The following GPT2 variants were observed in gnomAD, a reference collection of about 807,000 sequenced individuals.
The protein encoded by GPT2 is glutamic--pyruvic transaminase 2, also known as alanine aminotransferase 2.
In GPT2, 30 loss-of-function variants were observed where a neutral mutation model predicts 56.9. The observed-to-expected ratio is 0.53, with a 90% CI of 0.39 to 0.72. The LOEUF (loss-of-function observed/expected upper bound fraction) is 0.72. Among genes scored for constraint, GPT2 ranks in the 30% least tolerant of loss-of-function variants. The pLI is 0.00. For synonymous variants in GPT2, 271 were observed against 283.1 expected (o/e 0.96, Z 0.43); for missense variants, 542 against 703.4 (o/e 0.77, Z 2.60).
At chr16:46,888,409 C>G (rs1037487926) in intron 2 of GPT2, among the ~76,000 whole-genome samples, 2 of 152,180 alleles carry the variant, frequency 1.3e-5, no homozygotes, top group Non-Finnish European at 2.9e-5. Context: ...TGCAGTGATG[C>G]GATCTCATCT....
At position 46,884,787 on chromosome 16, in the gene GPT2, G is replaced by C; in HGVS notation, c.72G>C (p.Gln24His). ...PRTPSSWGRS[Q>H]SSAAAEASAV... ...CCCCCAGCTCCTGGGGCCGCAGCCA[G>C]AGCAGCGCGGCCGCCGAGGCCTCGG... Residue 24 changes from glutamine to histidine, a missense_variant, in exon 2 of 12, where the codon CAG becomes CAC. Physicochemically the swap from Gln to His is conservative, Grantham distance 24. Transcript: ENST00000340124. 1 of 1,524,636 alleles carries C rather than the reference G, an allele frequency of 6.6e-7. No homozygotes were observed. Among genetic ancestry groups the C allele is most frequent in the Non-Finnish European group, 8.8e-7 (1 of 1,136,784 alleles). 94.4% of individuals were successfully genotyped at this position (1,524,636 alleles called of 1,614,324 possible).
Position 46,924,563 on chromosome 16 carries a change from G to T in GPT2, c.1368+19G>T, listed in dbSNP as rs752655044. The T allele has an allele frequency of 1.1e-5, 18 of 1,612,518 alleles. No homozygotes were observed. In the African/African-American group the frequency reaches 2.0e-4, roughly 18 times the overall value. On this transcript the variant is annotated intron_variant, in intron 10 of 11. Transcript: ENST00000340124. ...TGCTCAGGTCTGGGGCATGGGCTGG[G>T]CTGGCTCTCTCTTACCAGGTTCACC...
At chr16:46,912,789 C>T (rs942499885) in intron 6 of GPT2, among the ~76,000 whole-genome samples, 4 of 152,120 alleles carry the variant, frequency 2.6e-5, no homozygotes. Context: ...AGGGTCTGCT[C>T]CCTTGACCCA....
intron 5 of GPT2, among the ~76,000 whole-genome samples, chr16:46,907,335 AC>A (rs1317225323): frequency 6.6e-6 from 1 of 152,232 alleles, no homozygotes; most frequent in African/African-American, 2.4e-5. Context: ...GCCTCTGCCT[AC>A]ACAGGCAGAG....
chr16:46,910,029 CT>C, intron 6 of GPT2, 102 bp downstream of exon 6: 2 of 1,409,776 alleles, frequency 1.4e-6, no homozygotes, highest in Non-Finnish European at 1.9e-6. Flanking sequence ...CTCTCTGCCC[CT>C]AGTTTCCCTT....
In GPT2 at chr16:46,926,996, C is replaced by T. The variant is rs781006875; in HGVS notation, c.1440C>T (p.Pro480=). Residue 480 remains proline (P), a synonymous_variant, in exon 11 of 12, where the codon CCC becomes CCT. Transcript: ENST00000340124. Reference sequence around the variant, plus strand: ...AGGAGACTGGCATCTGTGTCGTGCCCGGCAGTGGCTTTGGGCAGAGGGAAG... The same window carrying T: ...AGGAGACTGGCATCTGTGTCGTGCCTGGCAGTGGCTTTGGGCAGAGGGAAG... ...LLEETGICVV[P]GSGFGQREGT... The T allele has an allele frequency of 8.7e-6, 14 of 1,609,310 alleles. 1 individual carries two copies. Among genetic ancestry groups the T allele is most frequent in the East Asian group, 4.5e-5 (2 of 44,602 alleles).
chr16:46,926,812 G>GA, intron 10 of GPT2, 113 bp from the exon 11 acceptor site: 1 of 607,476 alleles, frequency 1.6e-6, no homozygotes, highest in Non-Finnish European at 2.7e-6. Flanking sequence ...CGGAAGGGGA[G>GA]AAGGGCACTG....
At chr16:46,884,498 T>C (rs1960440760) in intron 1 of GPT2, 31 bp downstream of exon 1, 1 of 443,490 alleles carries the variant, frequency 2.3e-6, no homozygotes, top group African/African-American at 2.0e-5. Context: ...GGGCGCAGCC[T>C]TTGCGAAAGC....
intron 11 of GPT2, among the ~76,000 whole-genome samples, chr16:46,927,662 A>G (rs1567345138): frequency 6.6e-6 from 1 of 152,330 alleles, no homozygotes; most frequent in East Asian, 1.9e-4. Context: ...ATGCTAAAAA[A>G]AAGAAATGGC....
chr16:46,924,483 A>C lies in GPT2; in HGVS notation c.1307A>C (p.Gln436Pro), dbSNP rs1400693516. Residue 436 changes from glutamine (Q) to proline (P), a missense_variant, in exon 10 of 12, where the codon CAG (glutamine) becomes CCG (proline). Coordinates refer to ENST00000340124, the MANE Select transcript of GPT2 (RefSeq NM_133443.4). ...QVPGIHCNPL[Q>P]GAMYAFPRIF... ...CCAGGAATTCACTGCAACCCCTTGC[A>C]GGGGGCCATGTACGCCTTCCCTCGG... 3.1e-6 allele frequency: 5 copies of C among 1,614,104 alleles called. No individual in the cohort carries two copies. The highest frequency in any genetic ancestry group is 4.2e-6 in the Non-Finnish European group (5 of 1,180,030).
intron 10 of GPT2, 82 bp from the exon 11 acceptor site, chr16:46,926,843 A>G (rs1478151331): frequency 2.2e-6 from 2 of 905,568 alleles, no homozygotes; most frequent in Admixed American, 2.7e-5. Flanking sequence ...GAGACCTGCC[A>G]TTTAGATTAC....
At position 46,930,933 on chromosome 16, in the gene GPT2, G is replaced by A. The variant is rs539230954; in HGVS notation, c.*1936G>A. The A allele has an allele frequency of 2.0e-5, 3 of 152,716 alleles. No homozygotes were observed. The highest frequency in any genetic ancestry group is 7.2e-5 in the African/African-American group (3 of 41,544). 9.5% of individuals were successfully genotyped at this position (152,716 alleles called of 1,614,324 possible). The stretch of plus-strand genomic sequence containing the variant: ...AGGAATGCTGATCATGATAGGTTTG[G>A]TTTTCTACAGATTCTGTTCCGGTGC... On this transcript the variant is annotated 3_prime_UTR_variant, in exon 12 of 12. Coordinates refer to ENST00000340124, the MANE Select transcript of GPT2 (RefSeq NM_133443.4).
intron 10 of GPT2, among the ~76,000 whole-genome samples, chr16:46,925,922 G>C (rs368952439): frequency 6.6e-6 from 1 of 151,636 alleles, no homozygotes; most frequent in African/African-American, 2.4e-5. Flanking sequence ...CTGAGATCAG[G>C]AGTTCAAGAC....
At chr16:46,895,566 A>G (rs1960670508) in intron 2 of GPT2, among the ~76,000 whole-genome samples, 1 of 151,838 alleles carries the variant, frequency 6.6e-6, no homozygotes, top group Non-Finnish European at 1.5e-5. Flanking sequence ...TCTGATGCCC[A>G]GGCTGGAGAG....
chr16:46,918,469 A>G (rs1364530462), intron 7 of GPT2, 152 bp from the exon 8 acceptor site: 1 of 816,380 alleles, frequency 1.2e-6, no homozygotes, highest in Non-Finnish European at 2.0e-6. Context: ...AAGTTCCTTC[A>G]GGCACACTTG....
chr16:46,887,978 C>T (rs1237699500), intron 2 of GPT2, among the ~76,000 whole-genome samples: 1 of 152,204 alleles, frequency 6.6e-6, no homozygotes, highest in African/African-American at 2.4e-5. Context: ...TTTTCAGATC[C>T]TGGTGTTCAC....
intron 2 of GPT2, among the ~76,000 whole-genome samples, chr16:46,897,344 T>C (rs1027213176): frequency 6.6e-6 from 1 of 152,142 alleles, no homozygotes; most frequent in Non-Finnish European, 1.5e-5. Context: ...CTGTACTCCA[T>C]CTTGGGCAAG....
In GPT2 at chr16:46,921,324, C is replaced by T. The variant is rs995341900; in HGVS notation, c.1038-918C>T. 2.6e-5 allele frequency among the ~76,000 whole-genome samples: 4 copies of T among 152,298 alleles called. No homozygotes were observed. The East Asian group carries it at 5.8e-4, about 22-fold the overall frequency. On this transcript the variant is annotated intron_variant, in intron 8 of 11. Coordinates refer to ENST00000340124, the MANE Select transcript of GPT2 (RefSeq NM_133443.4). ...AAGTAGCTAGGATTACAGGCATGCA[C>T]CACCATGCCAAGCTAATTTTTGTGT...
At chr16:46,899,007 ATATATATATATATATATATATATATATAT>A (rs1960757306) in intron 3 of GPT2, among the ~76,000 whole-genome samples, 2 of 1,992 alleles carry the variant, frequency 1.0e-3, no homozygotes, top group Non-Finnish European at 3.6e-3. Context: ...ACATATATAT[ATATATATATATATATATATATATATATAT>A]TTTTTTTTTT....
Sources: gnomAD v4.1 joint callset for allele counts (sites outside exome capture counted in the v4.1 genomes callset) on GRCh38, gnomAD v4.1.1 for gene constraint, MANE v1.5 for transcripts, NCBI Gene and HGNC (gene_info 2026-07-23, HGNC 2026-07-21) for gene names.